Variants in RPS6KA5 observed in about 807,000 individuals in gnomAD.
The protein encoded by RPS6KA5 is ribosomal protein S6 kinase A5.
In RPS6KA5, 27 loss-of-function variants were observed where a neutral mutation model predicts 85.5. The ratio of observed to expected loss-of-function variants is 0.32; its 90% confidence interval spans 0.23 to 0.44. The LOEUF (loss-of-function observed/expected upper bound fraction) is 0.44. RPS6KA5 is among the 20% of genes least tolerant of loss of function. The pLI, the probability that RPS6KA5 is intolerant of heterozygous loss-of-function variation, is 1.00. For synonymous variants in RPS6KA5, 334 were observed against 348.2 expected, an observed-to-expected ratio of 0.96 and a Z score of 0.46; for missense variants, 811 against 980.9, an observed-to-expected ratio of 0.83 and a Z score of 2.31.
At chr14:90,945,863 T>C (rs1566775948) in intron 4 of RPS6KA5, among the ~76,000 whole-genome samples, 1 of 152,068 alleles carries the variant, frequency 6.6e-6, no homozygotes, top group Non-Finnish European at 1.5e-5. Context: ...CTTAGCCAGG[T>C]GTGGTGGCAC....
At chr14:90,986,904 A>G (rs925280256) in intron 2 of RPS6KA5, among the ~76,000 whole-genome samples, 1 of 151,794 alleles carries the variant, frequency 6.6e-6, no homozygotes, top group African/African-American at 2.4e-5. Flanking sequence ...TCCTTCCCTC[A>G]CTCTTGTTCT....
chr14:91,053,593 T>C (rs917880855), intron 1 of RPS6KA5, among the ~76,000 whole-genome samples: 50 of 152,136 alleles, frequency 3.3e-4, no homozygotes, highest in African/African-American at 1.1e-3. Flanking sequence ...CCTTTTACTA[T>C]AGCATCAAAA....
chr14:91,017,754 A>G (rs895857029), intron 1 of RPS6KA5, among the ~76,000 whole-genome samples: 1 of 152,172 alleles, frequency 6.6e-6, no homozygotes, highest in African/African-American at 2.4e-5. Context: ...TGTTCCCACA[A>G]CTGTATACTC....
rs951500331 is a variant in RPS6KA5 at position 90,860,271 on chromosome 14, C to G, written c.*11803G>C. Reference sequence around the variant, plus strand: ...ACCTAGGCTGGGCGCCAGTAGCTCACACCTGTAATCCCAGCACTTTGGGAG... The same window carrying G: ...ACCTAGGCTGGGCGCCAGTAGCTCAGACCTGTAATCCCAGCACTTTGGGAG... On this transcript the variant is annotated 3_prime_UTR_variant, in exon 17 of 17. Coordinates refer to ENST00000614987, the MANE Select transcript of RPS6KA5 (RefSeq NM_004755.4). The G allele has an allele frequency of 6.6e-6, 1 of 152,206 alleles. No homozygotes were observed. Among genetic ancestry groups the G allele is most frequent in the African/African-American group, 2.4e-5 (1 of 41,444 alleles). 9.4% of individuals were successfully genotyped at this position (152,206 alleles called of 1,614,324 possible). A position where few individuals can be genotyped will look rare whatever the true frequency, so the allele number is the denominator to read the frequency against.
At chr14:90,922,777 G>GAAATATT (rs1169154694) in intron 6 of RPS6KA5, among the ~76,000 whole-genome samples, 7 of 152,034 alleles carry the variant, frequency 4.6e-5, no homozygotes, top group Non-Finnish European at 8.8e-5. Flanking sequence ...CTAAGAAATA[G>GAAATATT]GCTCTCTCAA....
chr14:90,953,417 T>C (rs1311579250), intron 3 of RPS6KA5, among the ~76,000 whole-genome samples: 1 of 152,180 alleles, frequency 6.6e-6, no homozygotes, highest in African/African-American at 2.4e-5. Flanking sequence ...GTATTAACTG[T>C]ACAAATTGAT....
In RPS6KA5 at chr14:90,848,193, A is replaced by C. The variant is rs986859943; in HGVS notation, c.*23881T>G. On this transcript the variant is annotated 3_prime_UTR_variant, in exon 17 of 17. Transcript: ENST00000614987. ...AGCTATAGAATTCTGAAAATTCTCA[A>C]TAAATAGTTACTAGTATAAAAATGC... 6.6e-6 allele frequency: 1 copy of C among 152,240 alleles called. No homozygotes were observed. The highest frequency in any genetic ancestry group is 1.5e-5 in the Non-Finnish European group (1 of 68,042). The allele number at this position is 152,240 out of a possible 1,614,324, so 9.4% of individuals were successfully genotyped here. A position where few individuals can be genotyped will look rare whatever the true frequency, so the allele number is the denominator to read the frequency against.
At position 91,051,633 on chromosome 14, in the gene RPS6KA5, GC is replaced by G; in HGVS notation, c.103+8698del. Among the ~76,000 whole-genome samples, 3 of 150,896 alleles carry G rather than the reference GC, an allele frequency of 2.0e-5. No homozygotes were observed. In the South Asian group the frequency reaches 6.3e-4, roughly 32 times the overall value. On this transcript the variant is annotated intron_variant, in intron 1 of 16. Transcript: ENST00000614987. ...CTTCCAAGTAGCTGGGATTACAGGTGCCCGCCACCGTGCCCAGCTAAGTTTT... is the reference window on the plus strand; with the variant it reads ...CTTCCAAGTAGCTGGGATTACAGGTGCCGCCACCGTGCCCAGCTAAGTTTT...
chr14:90,885,271 T>G (rs1310570380), intron 14 of RPS6KA5, among the ~76,000 whole-genome samples: 3 of 116,848 alleles, frequency 2.6e-5, no homozygotes, highest in East Asian at 2.8e-4. Flanking sequence ...AAAAAAAAAG[T>G]GCTGGGCACG....
chr14:90,973,729 G>A (rs1595374321), intron 3 of RPS6KA5, among the ~76,000 whole-genome samples: 2 of 151,894 alleles, frequency 1.3e-5, no homozygotes, highest in Non-Finnish European at 2.9e-5. Flanking sequence ...TTACAACCAC[G>A]TTATATTATG....
chr14:91,057,801 G>A (rs1293338121), intron 1 of RPS6KA5, among the ~76,000 whole-genome samples: 1 of 152,090 alleles, frequency 6.6e-6, no homozygotes, highest in East Asian at 1.9e-4. Context: ...CAAGCAACCC[G>A]CTTAGCACTT....
intron 1 of RPS6KA5, among the ~76,000 whole-genome samples, chr14:91,045,260 C>CTTTTTTT (rs557182210): frequency 7.5e-6 from 1 of 132,864 alleles, no homozygotes. Flanking sequence ...TCTGCTGATT[C>CTTTTTTT]TTTTTTTTTT....
chr14:90,948,878 C>A (rs752273825), intron 3 of RPS6KA5, among the ~76,000 whole-genome samples: 5 of 152,174 alleles, frequency 3.3e-5, no homozygotes, highest in Non-Finnish European at 5.9e-5. Context: ...GAGTTTACCA[C>A]AATTTGATAA....
intron 3 of RPS6KA5, among the ~76,000 whole-genome samples, chr14:90,963,907 T>C (rs2038933270): frequency 1.3e-5 from 2 of 152,136 alleles, no homozygotes; most frequent in Admixed American, 6.5e-5. Context: ...CAGAGCACAG[T>C]AGTGGGAGAC....
intron 1 of RPS6KA5, among the ~76,000 whole-genome samples, chr14:91,004,805 A>G (rs2040941787): frequency 6.6e-6 from 1 of 151,870 alleles, no homozygotes; most frequent in South Asian, 2.1e-4. Flanking sequence ...GTCTCTACTA[A>G]AAATACAAAA....
intron 2 of RPS6KA5, among the ~76,000 whole-genome samples, chr14:90,987,702 C>T (rs528538535): frequency 6.7e-6 from 1 of 150,174 alleles, no homozygotes; most frequent in Admixed American, 6.6e-5. Flanking sequence ...GCAGCAGCCA[C>T]AACAACAACA....
intron 2 of RPS6KA5, among the ~76,000 whole-genome samples, chr14:90,999,439 T>C (rs2040682831): frequency 6.6e-6 from 1 of 151,774 alleles, no homozygotes; most frequent in Admixed American, 6.6e-5. Context: ...GGAAGAAAAA[T>C]GGTCTGTCCT....
chr14:90,956,157 G>C (rs2038496462), intron 3 of RPS6KA5, among the ~76,000 whole-genome samples: 1 of 152,052 alleles, frequency 6.6e-6, no homozygotes, highest in South Asian at 2.1e-4. Context: ...TAACAAACTT[G>C]AACATCTGAA....
At chr14:90,908,097 A>G (rs532378209) in intron 7 of RPS6KA5, among the ~76,000 whole-genome samples, 92 of 152,310 alleles carry the variant, frequency 6.0e-4, no homozygotes, top group African/African-American at 2.2e-3. Context: ...AATCTACTCA[A>G]TATCAGCTGC....
Sources: gnomAD v4.1 joint callset for allele counts (sites outside exome capture counted in the v4.1 genomes callset) on GRCh38, gnomAD v4.1.1 for gene constraint, MANE v1.5 for transcripts, NCBI Gene and HGNC (gene_info 2026-07-23, HGNC 2026-07-21) for gene names.